COMP: variants seen among roughly 807,000 people sequenced by gnomAD.
COMP encodes the protein cartilage oligomeric matrix protein (pseudoachondroplasia, epiphyseal dysplasia 1, multiple).
Under a neutral mutation model 95.8 loss-of-function variants are expected in COMP, and 79 were observed. That is an observed-to-expected ratio of 0.82 (90% CI 0.69 to 0.99). The LOEUF (loss-of-function observed/expected upper bound fraction) is 0.99. Ranked by LOEUF, COMP falls within the 50% of genes least tolerant of loss-of-function variation. The probability of loss-of-function intolerance (pLI) is 0.00; values close to 1 mark genes in which losing one functional copy is unlikely to be tolerated. For synonymous variants in COMP, 438 were observed against 433.9 expected (o/e 1.01, Z -0.12); for missense variants, 906 against 1,076.1 (o/e 0.84, Z 2.21).
At position 18,791,173 on chromosome 19, in the gene COMP, G is replaced by A; in HGVS notation, c.79+18C>T. On this transcript the variant is annotated intron_variant, in intron 1 of 18. Coordinates refer to ENST00000222271, the MANE Select transcript of COMP (RefSeq NM_000095.3). ...GTTGTGGGGCCGTGGGCACGGCGCG[G>A]GTGCTAACGCGGCTTACCCAACGGG... The A allele has an allele frequency of 5.7e-6, 9 of 1,570,188 alleles. No homozygotes were observed. The highest frequency in any genetic ancestry group is 1.7e-4 in the Middle Eastern group (1 of 6,008).
intron 10 of COMP, 91 bp from the exon 11 acceptor site, chr19:18,786,741 CAG>C (rs2055170386): frequency 1.7e-6 from 1 of 580,950 alleles, no homozygotes; most frequent in Non-Finnish European, 3.1e-6. Context: ...TGGCCTGGAA[CAG>C]AGTCCCAACT....
In COMP at chr19:18,789,062, C is replaced by G; in HGVS notation, c.528+98G>C. The G allele has an allele frequency of 1.3e-6, 2 of 1,545,940 alleles. No homozygotes were observed. Among genetic ancestry groups the G allele is most frequent in the East Asian group, 4.6e-5 (2 of 43,174 alleles). On this transcript the variant is annotated intron_variant, in intron 5 of 18. Transcript: ENST00000222271. The surrounding 1 kb of genome is among the most constrained non-coding windows in gnomAD (Gnocchi z 6.1). ...GCAGCGGACCCCTCCTCTCCCCACC[C>G]CTCCCGCTGGAAGGAGGCTGGAAGA...
Position 18,785,985 on chromosome 19 carries a change from G to C in COMP, c.1469C>G (p.Pro490Arg), listed in dbSNP as rs748431274. ...CGTACTGTCCGCGTCCTCCTGGCCG[G>C]GGTTAGGCACCAGGCGGCAGTTGTC... ...SRDNCRLVPN[P>R]GQEDADRDGV... The change falls in exon 13 of 19, where the codon CCC becomes CGC. Residue 490 changes from proline to arginine, a missense_variant. Transcript: ENST00000222271. 14 of 1,612,380 alleles carry C rather than the reference G, an allele frequency of 8.7e-6. No individual in the cohort carries two copies. The African/African-American group carries it at 1.9e-4, about 22-fold the overall frequency.
At chr19:18,783,241 C>T (rs746460632) in intron 17 of COMP, 48 bp from the exon 18 acceptor site, 18 of 1,595,840 alleles carry the variant, frequency 1.1e-5, no homozygotes, top group Admixed American at 6.7e-5. Flanking sequence ...CCAGACCCTT[C>T]CCTCTCAGAG....
chr19:18,783,327 C>T lies in COMP; in HGVS notation c.2088-134G>A, dbSNP rs887994728. On this transcript the variant is annotated intron_variant, in intron 17 of 18. Transcript: ENST00000222271. Reference sequence around the variant, plus strand: ...GAGCAAGTGAGGCCTCTGCCTTGGGCCTCAGTTTCCTGGTGTGGTGGACAT... The same window carrying T: ...GAGCAAGTGAGGCCTCTGCCTTGGGTCTCAGTTTCCTGGTGTGGTGGACAT... 5 of 1,270,858 alleles carry T rather than the reference C, an allele frequency of 3.9e-6. No homozygotes were observed. In the African/African-American group the frequency reaches 7.4e-5, roughly 19 times the overall value. The allele number at this position is 1,270,858 out of a possible 1,614,324, so 78.7% of individuals were successfully genotyped here.
chr19:18,787,123 G>T, intron 10 of COMP: 1 of 409,936 alleles, frequency 2.4e-6, no homozygotes, highest in Non-Finnish European at 4.6e-6. Flanking sequence ...TAGTGAGGGG[G>T]ACGGGCTCTC....
Position 18,785,083 on chromosome 19 carries a change from G to T in COMP, c.1727C>A (p.Ala576Asp). Residue 576 changes from alanine (A) to aspartate (D), a missense_variant, in exon 16 of 19, where the codon GCC becomes GAC. Physicochemically the swap from Ala to Asp is moderately radical, Grantham distance 126. Transcript: ENST00000222271. ...GCCCTCGAAGTCCACGCCATTGAAG[G>T]CAGTGTAACCTAGGGATGGAAAGAG... ...SDPGLAVGYT[A>D]FNGVDFEGTF... The T allele has an allele frequency of 6.2e-7, 1 of 1,614,026 alleles. No homozygotes were observed. Among genetic ancestry groups the T allele is most frequent in the Non-Finnish European group, 8.5e-7 (1 of 1,179,986 alleles).
In COMP at chr19:18,790,028, A is replaced by G; in HGVS notation, c.304T>C (p.Cys102Arg). ...CGCGCGCCGCTCTCCGTCTGGATGCAGGCCACGCCGGGGAAGCAGAAGCCG... is the reference window on the plus strand; with the variant it reads ...CGCGCGCCGCTCTCCGTCTGGATGCGGGCCACGCCGGGGAAGCAGAAGCCG... Reference protein sequence around the residue: ...APGFCFPGVACIQTESGARCG... With the variant: ...APGFCFPGVARIQTESGARCG... Residue 102 changes from cysteine (C) to arginine (R), a missense_variant, in exon 4 of 19, where the codon TGC becomes CGC. Physicochemically the swap from Cys to Arg is radical, Grantham distance 180. Transcript: ENST00000222271. The G allele has an allele frequency of 6.3e-7, 1 of 1,578,836 alleles. No individual in the cohort carries two copies. The highest frequency in any genetic ancestry group is 8.6e-7 in the Non-Finnish European group (1 of 1,169,066).
Position 18,785,867 on chromosome 19 carries a change from C to A in COMP, c.1490-16G>T. 6.2e-7 allele frequency: 1 copy of A among 1,609,756 alleles called. No individual in the cohort carries two copies. Among genetic ancestry groups the A allele is most frequent in the Non-Finnish European group, 8.5e-7 (1 of 1,179,990 alleles). ...ACGCCGTCCCCTGAGAGGTGGGAGA[C>A]CCCTCGGTGGGCTAAAGTCAGGGCC... On this transcript the variant is annotated splice_polypyrimidine_tract_variant and intron_variant, in intron 13 of 18. Transcript: ENST00000222271.
At position 18,785,479 on chromosome 19, in the gene COMP, G is replaced by C; in HGVS notation, c.1717+19C>G. On this transcript the variant is annotated intron_variant, in intron 15 of 18. Coordinates refer to ENST00000222271, the MANE Select transcript of COMP (RefSeq NM_000095.3). ...TGAGCCCGCTCCGTGGCAGGATAGCGCTGCTCCCCGCTTCTCACCCACAGC... is the reference window on the plus strand; with the variant it reads ...TGAGCCCGCTCCGTGGCAGGATAGCCCTGCTCCCCGCTTCTCACCCACAGC... 6.2e-7 allele frequency: 1 copy of C among 1,612,650 alleles called. No individual in the cohort carries two copies. Among genetic ancestry groups the C allele is most frequent in the Non-Finnish European group, 8.5e-7 (1 of 1,179,986 alleles).
chr19:18,784,928 G>A lies in COMP; in HGVS notation c.1882C>T (p.Arg628Cys), dbSNP rs1464526978. 3.1e-6 allele frequency: 5 copies of A among 1,613,812 alleles called. No individual in the cohort carries two copies. Among genetic ancestry groups the A allele is most frequent in the South Asian group, 2.2e-5 (2 of 91,086 alleles). Residue 628 changes from arginine (R) to cysteine (C), a missense_variant, in exon 16 of 19, where the codon CGT becomes TGT. Physicochemically the swap from Arg to Cys is radical, Grantham distance 180. Coordinates refer to ENST00000222271, the MANE Select transcript of COMP (RefSeq NM_000095.3). The surrounding 1 kb of genome is among the most constrained non-coding windows in gnomAD (Gnocchi z 4.9). ...TGGATGCCAGGCTCGGCCACAGCAC[G>A]GAAGGGGTTCGCCTGCCAATACGTT... ...EQTYWQANPF[R>C]AVAEPGIQLK...
In COMP at chr19:18,790,059, G is replaced by A; in HGVS notation, c.273C>T (p.Cys91=). The A allele has an allele frequency of 6.4e-7, 1 of 1,554,040 alleles. No individual in the cohort carries two copies. The highest frequency in any genetic ancestry group is 8.7e-7 in the Non-Finnish European group (1 of 1,154,892). ...CGCCGGGGAAGCAGAAGCCGGGCGC[G>A]CAGTGGAGCAGGGGCCGCACGCTGG... ...GLPSVRPLLH[C]APGFCFPGVA... is the part of the protein sequence containing the mutation. Residue 91 remains cysteine (C), a synonymous_variant, in exon 4 of 19, where the codon TGC becomes TGT. Coordinates refer to ENST00000222271, the MANE Select transcript of COMP (RefSeq NM_000095.3).
At chr19:18,783,000 C>T (rs2055135300) in intron 18 of COMP, 39 bp from the exon 19 acceptor site, 6 of 1,612,236 alleles carry the variant, frequency 3.7e-6, no homozygotes, top group South Asian at 2.2e-5. Flanking sequence ...CTGAGAAGGC[C>T]AGCAGGGCCT....
rs1036816505 is a variant in COMP, at chr19:18,789,591, G to A, written c.391-294C>T. Among the ~76,000 whole-genome samples the A allele has an allele frequency of 1.3e-5, 2 of 151,798 alleles. No individual in the cohort carries two copies. Among genetic ancestry groups the A allele is most frequent in the African/African-American group, 4.8e-5 (2 of 41,288 alleles). On this transcript the variant is annotated intron_variant, in intron 4 of 18. Coordinates refer to ENST00000222271, the MANE Select transcript of COMP (RefSeq NM_000095.3). The surrounding 1 kb of genome is among the most constrained non-coding windows in gnomAD (Gnocchi z 6.1). ...CGGGGCGTGCGTGCCCGGCGGTGGCGGGGGGTCTGGGCGTGCGTTCCCTGG... is the reference window on the plus strand; with the variant it reads ...CGGGGCGTGCGTGCCCGGCGGTGGCAGGGGGTCTGGGCGTGCGTTCCCTGG...
chr19:18,786,898 G>A (rs781326466), intron 10 of COMP: 77 of 424,588 alleles, frequency 1.8e-4, no homozygotes, highest in Non-Finnish European at 2.9e-4. Context: ...TCAGCCTCCC[G>A]AGTAGCTGGG....
In COMP at chr19:18,789,059, A is replaced by C; in HGVS notation, c.528+101T>G. The stretch of plus-strand genomic sequence containing the variant: ...GGCGCAGCGGACCCCTCCTCTCCCC[A>C]CCCCTCCCGCTGGAAGGAGGCTGGA... On this transcript the variant is annotated intron_variant, in intron 5 of 18. Coordinates refer to ENST00000222271, the MANE Select transcript of COMP (RefSeq NM_000095.3). The surrounding 1 kb of genome is among the most constrained non-coding windows in gnomAD (Gnocchi z 6.1). 2.0e-6 allele frequency: 3 copies of C among 1,530,880 alleles called. No homozygotes were observed. Among genetic ancestry groups the C allele is most frequent in the South Asian group, 1.2e-5 (1 of 83,690 alleles). The allele number at this position is 1,530,880 out of a possible 1,614,324, so 94.8% of individuals were successfully genotyped here.
rs2055205275 is a variant in COMP at position 18,790,550 on chromosome 19, C to T, written c.217+12G>A. On this transcript the variant is annotated intron_variant, in intron 3 of 18. Coordinates refer to ENST00000222271, the MANE Select transcript of COMP (RefSeq NM_000095.3). Reference sequence around the variant, plus strand: ...CGTCTCTTCTCTCTCCCGACCGCCCCGCCGCGCTCACCGCACGCGTCACAC... The same window carrying T: ...CGTCTCTTCTCTCTCCCGACCGCCCTGCCGCGCTCACCGCACGCGTCACAC... 2 of 1,613,692 alleles carry T rather than the reference C, an allele frequency of 1.2e-6. No homozygotes were observed. Among genetic ancestry groups the T allele is most frequent in the Non-Finnish European group, 1.7e-6 (2 of 1,179,866 alleles).
intron 13 of COMP, 31 bp downstream of exon 13, chr19:18,785,934 G>A: frequency 2.8e-6 from 3 of 1,059,132 alleles, no homozygotes; most frequent in Non-Finnish European, 4.0e-6. Context: ...CACTGGCCCC[G>A]CCCCCACCGC....
chr19:18,791,105 C>A (rs1039263880), intron 1 of COMP, 86 bp downstream of exon 1: 2 of 1,522,156 alleles, frequency 1.3e-6, no homozygotes, highest in African/African-American at 1.4e-5. Context: ...TCCGTGAGCC[C>A]CAAACAGCCT....
Sources: gnomAD v4.1 joint callset for allele counts (sites outside exome capture counted in the v4.1 genomes callset) on GRCh38, gnomAD v4.1.1 for gene constraint, Gnocchi (gnomAD v3.1) non-coding constraint, MANE v1.5 for transcripts, NCBI Gene and HGNC (gene_info 2026-07-23, HGNC 2026-07-21) for gene names.